The following ERC2 variants were observed in gnomAD, a reference collection of about 807,000 sequenced individuals.
ERC2 encodes the protein ERC protein 2.
A neutral mutation model predicts 114.8 loss-of-function variants in ERC2; 42 were observed. That is an observed-to-expected ratio of 0.37 (90% CI 0.29 to 0.47). The LOEUF (loss-of-function observed/expected upper bound fraction) is 0.47. Among genes scored for constraint, ERC2 ranks in the 20% least tolerant of loss-of-function variants. The pLI, the probability that ERC2 is intolerant of heterozygous loss-of-function variation, is 0.99. For missense variants in ERC2, 939 were observed against 1,150.7 expected, an observed-to-expected ratio of 0.82 and a Z score of 2.66; for synonymous variants, 454 against 425.5, an observed-to-expected ratio of 1.07 and a Z score of -0.82.
chr3:56,180,263 G>A (rs548886920), intron 3 of ERC2, among the ~76,000 whole-genome samples: 1 of 152,300 alleles, frequency 6.6e-6, no homozygotes, highest in South Asian at 2.1e-4. Context: ...AGCATGTGCT[G>A]TGGAAGAACA....
chr3:55,603,616 C>G lies in ERC2; in HGVS notation c.*39+80178G>C, dbSNP rs371581176. ...CTGAGATAGTGCCACTGCACTCCAGCCTGGGTGACGGAGTGAGACTCTGTC... is the reference window on the plus strand; with the variant it reads ...CTGAGATAGTGCCACTGCACTCCAGGCTGGGTGACGGAGTGAGACTCTGTC... On this transcript the variant is annotated intron_variant, in intron 17 of 17. Coordinates refer to ENST00000288221, the MANE Select transcript of ERC2 (RefSeq NM_015576.3). 1.8e-4 allele frequency among the ~76,000 whole-genome samples: 27 copies of G among 149,384 alleles called. 1 individual carries two copies. In the East Asian group the frequency reaches 4.5e-3, roughly 25 times the overall value.
At chr3:56,376,019 C>T (rs894216409) in intron 2 of ERC2, among the ~76,000 whole-genome samples, 7 of 152,130 alleles carry the variant, frequency 4.6e-5, no homozygotes, top group Admixed American at 1.3e-4. Flanking sequence ...TTCCAACAAC[C>T]GCATGGATGA....
chr3:56,088,104 C>T (rs2077600255), intron 6 of ERC2, among the ~76,000 whole-genome samples: 1 of 152,028 alleles, frequency 6.6e-6, no homozygotes, highest in South Asian at 2.1e-4. Context: ...CTGTCTGTTC[C>T]ATACCACACT....
intron 15 of ERC2, among the ~76,000 whole-genome samples, chr3:55,724,472 T>C (rs1033027368): frequency 2.0e-5 from 3 of 152,198 alleles, no homozygotes; most frequent in African/African-American, 4.8e-5. Context: ...TGAGTCCCAT[T>C]TGGGCTCTGG....
chr3:55,553,011 A>ATTTTTTTTT lies in ERC2; in HGVS notation c.*40-41744_*40-41736dup, dbSNP rs66602607. On this transcript the variant is annotated intron_variant, in intron 17 of 17. Coordinates refer to ENST00000288221, the MANE Select transcript of ERC2 (RefSeq NM_015576.3). Reference sequence around the variant, plus strand: ...GTCGTTATTATTGTGGGGCTTCCAGATTTTTTTTTTTTTTTTTTTTTTTTT... The same window carrying ATTTTTTTTT: ...GTCGTTATTATTGTGGGGCTTCCAGATTTTTTTTTTTTTTTTTTTTTTTTTTTTTTTTTT... Among the ~76,000 whole-genome samples, 62 of 55,212 alleles carry ATTTTTTTTT rather than the reference A, an allele frequency of 1.1e-3. 13 individuals carry two copies. Among genetic ancestry groups the ATTTTTTTTT allele is most frequent in the South Asian group, 6.2e-3 (7 of 1,122 alleles). 36.2% of individuals were successfully genotyped at this position (55,212 alleles called of 152,430 possible).
At chr3:56,279,268 A>C (rs892834428) in intron 3 of ERC2, among the ~76,000 whole-genome samples, 1 of 152,202 alleles carries the variant, frequency 6.6e-6, no homozygotes, top group African/African-American at 2.4e-5. Context: ...AGTGAACTGG[A>C]CATGGTTCTT....
rs555497429 is a variant in ERC2 at position 55,542,103 on chromosome 3, C to A, written c.*40-30827G>T. On this transcript the variant is annotated intron_variant, in intron 17 of 17. Coordinates refer to ENST00000288221, the MANE Select transcript of ERC2 (RefSeq NM_015576.3). The stretch of plus-strand genomic sequence containing the variant: ...GAAAATCTAAGAATCTATCTAAGAT[C>A]GCAGGATTTATATAGGATGAAGCCA... 2.4e-4 allele frequency among the ~76,000 whole-genome samples: 36 copies of A among 152,274 alleles called. 1 individual carries two copies. The highest frequency in any genetic ancestry group is 1.0e-3 in the Admixed American group (16 of 15,304).
chr3:56,311,237 CTCTCTCTCTCTCTCTCTCTATATATA>C (rs1173986161), intron 2 of ERC2, among the ~76,000 whole-genome samples: 2 of 16,374 alleles, frequency 1.2e-4, no homozygotes, highest in Non-Finnish European at 1.7e-4. Context: ...CATCTTCTCT[CTCTCTCTCTCTCTCTCTCTATATATA>C]TATATATATA....
chr3:56,141,569 C>T (rs542836162), intron 5 of ERC2, among the ~76,000 whole-genome samples: 3 of 152,318 alleles, frequency 2.0e-5, no homozygotes, highest in East Asian at 3.9e-4. Context: ...TTCATCATTA[C>T]ATTTTGTGTC....
intron 7 of ERC2, among the ~76,000 whole-genome samples, chr3:56,048,654 T>A (rs1468691980): frequency 6.6e-6 from 1 of 152,174 alleles, no homozygotes; most frequent in Non-Finnish European, 1.5e-5. Flanking sequence ...TATGCCTGGT[T>A]ATATGTTTTT....
intron 14 of ERC2, among the ~76,000 whole-genome samples, chr3:55,879,784 G>T (rs1217554513): frequency 1.3e-5 from 2 of 152,092 alleles, no homozygotes; most frequent in African/African-American, 4.8e-5. Context: ...TCCTTCCTTA[G>T]AACTGGATTC....
intron 6 of ERC2, among the ~76,000 whole-genome samples, chr3:56,130,130 G>T (rs1458060836): frequency 6.6e-6 from 1 of 152,144 alleles, no homozygotes; most frequent in Non-Finnish European, 1.5e-5. Context: ...CATTATTTTA[G>T]TACAATGGAA....
intron 2 of ERC2, among the ~76,000 whole-genome samples, chr3:56,330,374 G>A (rs183701079): frequency 1.0e-3 from 159 of 152,222 alleles, no homozygotes; most frequent in African/African-American, 3.4e-3. Flanking sequence ...TCATGCCAAC[G>A]TGTGGGAAAA....
At chr3:56,302,315 G>A (rs149787275) in intron 2 of ERC2, among the ~76,000 whole-genome samples, 41 of 152,228 alleles carry the variant, frequency 2.7e-4, no homozygotes, top group Middle Eastern at 3.4e-3. Flanking sequence ...TGTAGGAAAT[G>A]GCCATGGTGT....
rs913940389 is a variant in ERC2, at chr3:56,108,755, C to T, written c.1474-27771G>A. ...GGAAATCAGGTAAGCATGTCCAATA[C>T]CATTCTGAAAAAGCAATTCTGGATT... On this transcript the variant is annotated intron_variant, in intron 6 of 17. Transcript: ENST00000288221. 1.1e-4 allele frequency among the ~76,000 whole-genome samples: 16 copies of T among 152,162 alleles called. No homozygotes were observed. In the East Asian group the frequency reaches 2.9e-3, roughly 28 times the overall value.
chr3:55,599,167 TC>T (rs1374216750), intron 17 of ERC2, among the ~76,000 whole-genome samples: 9 of 152,106 alleles, frequency 5.9e-5, no homozygotes, highest in Non-Finnish European at 1.3e-4. Flanking sequence ...AACTATAACC[TC>T]CCCTGTGTGC....
chr3:56,044,642 A>G (rs2075370263), intron 7 of ERC2, among the ~76,000 whole-genome samples: 2 of 152,154 alleles, frequency 1.3e-5, no homozygotes, highest in South Asian at 4.1e-4. Context: ...TTAAGAAATA[A>G]TAGGATAAAA....
chr3:56,022,722 G>A (rs113374500), intron 7 of ERC2, among the ~76,000 whole-genome samples: 1 of 152,184 alleles, frequency 6.6e-6, no homozygotes, highest in Non-Finnish European at 1.5e-5. Flanking sequence ...AAGCCTTGGG[G>A]GTGGAAAGGG....
chr3:55,765,279 TAA>T (rs2067697376), intron 14 of ERC2, among the ~76,000 whole-genome samples: 1 of 152,238 alleles, frequency 6.6e-6, no homozygotes, highest in African/African-American at 2.4e-5. Flanking sequence ...CCTACTTGAA[TAA>T]AAGGAGACTT....
Sources: gnomAD v4.1 joint callset for allele counts (sites outside exome capture counted in the v4.1 genomes callset) on GRCh38, gnomAD v4.1.1 for gene constraint, MANE v1.5 for transcripts, NCBI Gene and HGNC (gene_info 2026-07-23, HGNC 2026-07-21) for gene names.